The following LRRC27 variants were observed in gnomAD, a reference collection of about 807,000 sequenced individuals.
The protein encoded by LRRC27 is leucine rich repeat containing 27, also known as leucine-rich repeat-containing protein 27.
In LRRC27, 57 loss-of-function variants were observed where a neutral mutation model predicts 55.0. That is an observed-to-expected ratio of 1.04 (90% CI 0.84 to 1.29). The LOEUF (loss-of-function observed/expected upper bound fraction) is 1.29. Ranked by LOEUF, LRRC27 falls within the 50% of genes most tolerant of loss-of-function variation. The probability of loss-of-function intolerance (pLI) is 0.00; values close to 1 mark genes in which losing one functional copy is unlikely to be tolerated. For synonymous variants in LRRC27, 278 were observed against 251.9 expected (o/e 1.10, Z -0.98); for missense variants, 721 against 651.5 (o/e 1.11, Z -1.16).
chr10:132,368,917 T>C (rs1010950084), intron 10 of LRRC27, among the ~76,000 whole-genome samples: 1 of 152,058 alleles, frequency 6.6e-6, no homozygotes, highest in South Asian at 2.1e-4. Context: ...AGGAATGTTA[T>C]CTAAAATATA....
rs2069314594 is a variant in LRRC27, at chr10:132,375,110, A to G, written c.1461A>G (p.Leu487=). 2.0e-5 allele frequency: 33 copies of G among 1,614,060 alleles called. No individual in the cohort carries two copies. Among genetic ancestry groups the G allele is most frequent in the Non-Finnish European group, 2.8e-5 (33 of 1,179,976 alleles). Residue 487 remains leucine (L), a synonymous_variant, in exon 11 of 11, where the codon TTA becomes TTG. Transcript: ENST00000368614. ...QDEVLKLKLG[L]TLNKDRRRAA... ...AAGTATTGAAGCTAAAATTGGGATT[A>G]ACCTTGAACAAAGATCGTCGACGGG...
In LRRC27 at chr10:132,340,793, G is replaced by A. The variant is rs570617933; in HGVS notation, c.342-1420G>A. Among the ~76,000 whole-genome samples, 126 of 146,542 alleles carry A rather than the reference G, an allele frequency of 8.6e-4. 1 individual carries two copies. Among genetic ancestry groups the A allele is most frequent in the Non-Finnish European group, 1.3e-3 (88 of 67,268 alleles). On this transcript the variant is annotated intron_variant, in intron 3 of 10. Transcript: ENST00000368614. ...AGCCTGGCCAACATGGTGAAACTCC[G>A]TCTCTACTAAAAAAAAAAAGTACAA... is the stretch of plus-strand genomic sequence containing the variant.
intron 3 of LRRC27, among the ~76,000 whole-genome samples, chr10:132,340,781 T>A (rs888407938): frequency 2.0e-5 from 3 of 147,412 alleles, no homozygotes; most frequent in African/African-American, 7.6e-5. Context: ...CTGGCCAACA[T>A]GGTGAAACTC....
At chr10:132,365,395 C>G in intron 9 of LRRC27, 29 bp from the exon 10 acceptor site, 2 of 1,612,162 alleles carry the variant, frequency 1.2e-6, no homozygotes, top group African/African-American at 1.3e-5. Context: ...TGTGTCAAGT[C>G]ATTTCCCTCT....
intron 5 of LRRC27, among the ~76,000 whole-genome samples, chr10:132,345,204 T>G (rs902296635): frequency 1.3e-5 from 2 of 152,208 alleles, no homozygotes; most frequent in Admixed American, 1.3e-4. Context: ...AAAGGTAAAG[T>G]TAAATTGGGA....
At chr10:132,361,629 G>T in intron 9 of LRRC27, 54 bp downstream of exon 9, 1 of 1,272,236 alleles carries the variant, frequency 7.9e-7, no homozygotes, top group South Asian at 1.2e-5. Flanking sequence ...AGCCACCCAC[G>T]GGCAGGTGCT....
At chr10:132,351,436 C>A in intron 6 of LRRC27, 171 bp from the exon 7 acceptor site, 2 of 735,792 alleles carry the variant, frequency 2.7e-6, no homozygotes, top group Non-Finnish European at 4.6e-6. Flanking sequence ...CATTACGTGT[C>A]CTGAAATCAA....
In LRRC27 at chr10:132,375,408, T is replaced by C; in HGVS notation, c.*166T>C. 1.7e-6 allele frequency: 1 copy of C among 582,728 alleles called. No individual in the cohort carries two copies. Among genetic ancestry groups the C allele is most frequent in the South Asian group, 2.3e-5 (1 of 43,390 alleles). The allele number at this position is 582,728 out of a possible 1,614,324, so 36.1% of individuals were successfully genotyped here. A position where few individuals can be genotyped will look rare whatever the true frequency, so the allele number is the denominator to read the frequency against. On this transcript the variant is annotated 3_prime_UTR_variant, in exon 11 of 11. Transcript: ENST00000368614. Reference sequence around the variant, plus strand: ...TTCCTTAGACAGGTCCACGTCCCTCTCCTGAGGCTGTGGAAGATTTCAGCC... The same window carrying C: ...TTCCTTAGACAGGTCCACGTCCCTCCCCTGAGGCTGTGGAAGATTTCAGCC...
chr10:132,332,005 T>C (rs1430424065), upstream of LRRC27: 2 of 283,312 alleles, frequency 7.1e-6, no homozygotes, highest in Non-Finnish European at 6.1e-6. Context: ...CCCGACCCCC[T>C]GCCGCGCAGG....
chr10:132,368,742 GTGA>G (rs1290330748), intron 10 of LRRC27, among the ~76,000 whole-genome samples: 1 of 152,160 alleles, frequency 6.6e-6, no homozygotes, highest in Non-Finnish European at 1.5e-5. Flanking sequence ...CTTGGGTATG[GTGA>G]TGATGTTTAA....
chr10:132,349,198 C>T (rs1471145651), intron 6 of LRRC27: 12 of 669,614 alleles, frequency 1.8e-5, no homozygotes, highest in South Asian at 1.1e-4. Flanking sequence ...TTGTCATAGC[C>T]GAGGGGACAA....
chr10:132,353,437 TA>T, intron 7 of LRRC27: 7 of 1,014,292 alleles, frequency 6.9e-6, no homozygotes, highest in Non-Finnish European at 8.3e-6. Flanking sequence ...GACCATGTGA[TA>T]GGGGCTGTGT....
At position 132,365,536 on chromosome 10, in the gene LRRC27, G is replaced by A. The variant is rs746528198; in HGVS notation, c.1402G>A (p.Glu468Lys). ...ACTGGAGGAGATGAGGAAGGCTGCCGAGGATCTGGAAATTGTAAGGATTTC... is the reference window on the plus strand; with the variant it reads ...ACTGGAGGAGATGAGGAAGGCTGCCAAGGATCTGGAAATTGTAAGGATTTC... ...APLEEMRKAA[E>K]DLEIATELQD... Residue 468 changes from glutamate to lysine, a missense_variant, in exon 10 of 11, where the codon GAG becomes AAG. Physicochemically the swap from Glu to Lys is moderately conservative, Grantham distance 56 (BLOSUM62 1). Transcript: ENST00000368614. The A allele has an allele frequency of 4.9e-5, 79 of 1,613,282 alleles. No individual in the cohort carries two copies. Among genetic ancestry groups the A allele is most frequent in the South Asian group, 2.6e-4 (24 of 91,056 alleles).
intron 8 of LRRC27, among the ~76,000 whole-genome samples, chr10:132,357,886 G>A (rs1306068715): frequency 6.6e-6 from 1 of 152,184 alleles, no homozygotes; most frequent in Non-Finnish European, 1.5e-5. Flanking sequence ...GCAGACCCTC[G>A]GCTGTGGCAG....
At chr10:132,366,685 T>C (rs901928438) in intron 10 of LRRC27, 9 of 337,746 alleles carry the variant, frequency 2.7e-5, no homozygotes, top group Admixed American at 1.2e-4. Context: ...CAGGTCAGTG[T>C]ACCATGCCCG....
intron 7 of LRRC27, among the ~76,000 whole-genome samples, chr10:132,352,516 AG>A (rs2068092671): frequency 3.6e-5 from 2 of 55,254 alleles, no homozygotes; most frequent in African/African-American, 1.8e-4. Flanking sequence ...GGGCAGGCGC[AG>A]GTGCAGCGCT....
In LRRC27 at chr10:132,333,645, G is replaced by T; in HGVS notation, c.121G>T (p.Gly41Cys). 6.2e-7 allele frequency: 1 copy of T among 1,613,566 alleles called. No homozygotes were observed. The highest frequency in any genetic ancestry group is 8.5e-7 in the Non-Finnish European group (1 of 1,180,030). The change falls in exon 2 of 11, where the codon GGC becomes TGC. Residue 41 changes from glycine (G) to cysteine (C), a missense_variant. Gly to Cys is a radical substitution (Grantham distance 159, BLOSUM62 -3). Coordinates refer to ENST00000368614, the MANE Select transcript of LRRC27 (RefSeq NM_030626.3). The part of the protein sequence containing the change: ...PSKDVHKGVG[G>C]IIFSSSPILD... The stretch of plus-strand genomic sequence containing the variant: ...CAAAGATGTTCACAAGGGTGTTGGA[G>T]GCATCATCTTTTCCTCCTCACCGAT...
intron 6 of LRRC27, 82 bp from the exon 7 acceptor site, chr10:132,351,525 T>G: frequency 6.7e-7 from 1 of 1,486,986 alleles, no homozygotes; most frequent in Non-Finnish European, 9.2e-7. Flanking sequence ...CCACAGGCCC[T>G]CCTTTTACAT....
chr10:132,364,791 C>A (rs367594152), intron 9 of LRRC27, among the ~76,000 whole-genome samples: 16 of 111,668 alleles, frequency 1.4e-4, no homozygotes, highest in South Asian at 2.6e-4. Context: ...CACGCCCACA[C>A]TCACACCCAC....
Sources: gnomAD v4.1 joint callset for allele counts (sites outside exome capture counted in the v4.1 genomes callset) on GRCh38, gnomAD v4.1.1 for gene constraint, MANE v1.5 for transcripts, NCBI Gene and HGNC (gene_info 2026-07-23, HGNC 2026-07-21) for gene names.